Variants in DOK6 observed in about 807,000 individuals in gnomAD.
DOK6 encodes downstream of tyrosine kinase 6.
Under a neutral mutation model 44.0 loss-of-function variants are expected in DOK6, and 22 were observed. The observed-to-expected ratio is 0.50, with a 90% confidence interval of 0.36 to 0.71. DOK6 has a LOEUF of 0.71. DOK6 is among the 30% of genes least tolerant of loss of function. The pLI is 0.00. For missense variants in DOK6, 340 were observed against 416.4 expected, an observed-to-expected ratio of 0.82 and a Z score of 1.60; for synonymous variants, 166 against 145.5, an observed-to-expected ratio of 1.14 and a Z score of -1.01.
At chr18:69,468,563 A>G (rs1458567996) in intron 1 of DOK6, among the ~76,000 whole-genome samples, 1 of 152,194 alleles carries the variant, frequency 6.6e-6, no homozygotes, top group Non-Finnish European at 1.5e-5. Context: ...TAGATTTCCT[A>G]CATAGTCTGT....
chr18:69,741,598 A>G (rs1978800391), intron 6 of DOK6, among the ~76,000 whole-genome samples: 1 of 152,170 alleles, frequency 6.6e-6, no homozygotes, highest in African/African-American at 2.4e-5. Context: ...CCTGGGCTCA[A>G]GCAGTCCTCC....
chr18:69,774,133 G>GATATATATATATATATGAGAT (rs1979980513), intron 7 of DOK6, among the ~76,000 whole-genome samples: 1 of 66,866 alleles, frequency 1.5e-5, no homozygotes, highest in Non-Finnish European at 3.3e-5. Context: ...ATATATATGA[G>GATATATATATATATATGAGAT]ATATATATAT....
intron 3 of DOK6, among the ~76,000 whole-genome samples, chr18:69,616,835 A>G (rs568148007): frequency 6.6e-6 from 1 of 152,314 alleles, no homozygotes; most frequent in East Asian, 1.9e-4. Flanking sequence ...GACTTTTTGA[A>G]ATCTTTGTAG....
chr18:69,535,047 T>G (rs948472120), intron 1 of DOK6, among the ~76,000 whole-genome samples: 4 of 152,116 alleles, frequency 2.6e-5, no homozygotes, highest in Admixed American at 2.6e-4. Context: ...TGTGTCTCAG[T>G]GCACCTTCAT....
intron 3 of DOK6, among the ~76,000 whole-genome samples, chr18:69,671,333 A>G (rs2144680392): frequency 6.6e-6 from 1 of 152,336 alleles, no homozygotes; most frequent in Non-Finnish European, 1.5e-5. Flanking sequence ...TGATGTATCA[A>G]CCTGCTGTTA....
chr18:69,796,694 C>A lies in DOK6; in HGVS notation c.856+38821C>A, dbSNP rs186332571. On this transcript the variant is annotated intron_variant, in intron 7 of 7. Coordinates refer to ENST00000382713, the MANE Select transcript of DOK6 (RefSeq NM_152721.6). ...AAAAAGTGTACCTGTCAAATTAGCT[C>A]GTGTGTACAAATACTAGACAAAGCA... Among the ~76,000 whole-genome samples, 159 of 152,282 alleles carry A rather than the reference C, an allele frequency of 1.0e-3. 1 individual carries two copies. The highest frequency in any genetic ancestry group is 3.6e-3 in the African/African-American group (149 of 41,572).
At chr18:69,415,085 A>C (rs1653241434) in intron 1 of DOK6, among the ~76,000 whole-genome samples, 1 of 152,124 alleles carries the variant, frequency 6.6e-6, no homozygotes, top group Admixed American at 6.6e-5. Flanking sequence ...AATACTTTAC[A>C]AGATCAAAAG....
At chr18:69,830,520 C>T (rs945384322) in intron 7 of DOK6, among the ~76,000 whole-genome samples, 6 of 152,144 alleles carry the variant, frequency 3.9e-5, no homozygotes, top group African/African-American at 1.2e-4. Context: ...GGAAAGAGGC[C>T]TCAGAAGAAA....
Position 69,846,161 on chromosome 18 carries a change from T to C in DOK6, c.*4778T>C, listed in dbSNP as rs1225835295. 6.6e-6 allele frequency: 1 copy of C among 152,240 alleles called. No individual in the cohort carries two copies. Among genetic ancestry groups the C allele is most frequent in the Non-Finnish European group, 1.5e-5 (1 of 68,058 alleles). 9.4% of individuals were successfully genotyped at this position (152,240 alleles called of 1,614,324 possible). The stretch of plus-strand genomic sequence containing the variant: ...GAGGCACTAGACAGTTTATAGACTC[T>C]TATGGAAGTTGGGCACATTTCCCAG... On this transcript the variant is annotated 3_prime_UTR_variant, in exon 8 of 8. Coordinates refer to ENST00000382713, the MANE Select transcript of DOK6 (RefSeq NM_152721.6).
intron 5 of DOK6, 63 bp from the exon 6 acceptor site, chr18:69,738,902 G>A (rs1424557309): frequency 1.3e-6 from 2 of 1,582,718 alleles, no homozygotes; most frequent in African/African-American, 2.7e-5. Context: ...TTGTCTACGT[G>A]GAAAACTGTT....
chr18:69,604,899 G>A (rs1048011803), intron 3 of DOK6, among the ~76,000 whole-genome samples: 2 of 152,106 alleles, frequency 1.3e-5, no homozygotes, highest in East Asian at 1.9e-4. Flanking sequence ...GAGGGTACAG[G>A]TGCAGTTTTG....
intron 5 of DOK6, among the ~76,000 whole-genome samples, chr18:69,710,205 A>G (rs1369581083): frequency 6.6e-6 from 1 of 152,190 alleles, no homozygotes; most frequent in African/African-American, 2.4e-5. Context: ...TAAACTTACT[A>G]TTTTTAATAA....
chr18:69,443,733 C>T (rs535489444), intron 1 of DOK6, among the ~76,000 whole-genome samples: 7 of 152,216 alleles, frequency 4.6e-5, no homozygotes, highest in African/African-American at 1.7e-4. Flanking sequence ...GAATTACATG[C>T]CCTTGACTCT....
intron 5 of DOK6, among the ~76,000 whole-genome samples, chr18:69,703,298 C>A (rs1240104116): frequency 1.3e-5 from 2 of 152,134 alleles, no homozygotes; most frequent in Admixed American, 6.5e-5. Context: ...TGATTTAAAT[C>A]TTTTTGTGGC....
At chr18:69,734,393 CAAAAAAAAAA>C (rs60831756) in intron 5 of DOK6, among the ~76,000 whole-genome samples, 4 of 48,500 alleles carry the variant, frequency 8.2e-5, no homozygotes, top group Non-Finnish European at 1.5e-4. Context: ...TTCATAGCAG[CAAAAAAAAAA>C]AAAAAAAAAA....
intron 7 of DOK6, among the ~76,000 whole-genome samples, chr18:69,794,848 G>A (rs141109090): frequency 2.0e-5 from 3 of 152,224 alleles, no homozygotes; most frequent in Non-Finnish European, 2.9e-5. Flanking sequence ...CTGCGCATGC[G>A]AGGGATTTAG....
chr18:69,651,623 G>A (rs1302152892), intron 3 of DOK6, among the ~76,000 whole-genome samples: 1 of 151,672 alleles, frequency 6.6e-6, no homozygotes, highest in Non-Finnish European at 1.5e-5. Context: ...GGAATAGCTA[G>A]GATTACAGAC....
chr18:69,614,889 C>A (rs1035008607), intron 3 of DOK6, among the ~76,000 whole-genome samples: 2 of 151,634 alleles, frequency 1.3e-5, no homozygotes, highest in Non-Finnish European at 2.9e-5. Context: ...TTACCTTATT[C>A]GGAAATCCTT....
Position 69,727,208 on chromosome 18 carries a change from CATGACCT to C in DOK6, c.600-11755_600-11749del, listed in dbSNP as rs1259078895. Among the ~76,000 whole-genome samples the C allele has an allele frequency of 6.6e-5, 10 of 152,246 alleles. No homozygotes were observed. The East Asian group carries it at 1.9e-3, about 29-fold the overall frequency. On this transcript the variant is annotated intron_variant, in intron 5 of 7. Transcript: ENST00000382713. ...ATCCCATTCATGAGAGCTCTGCCCT[CATGACCT>C]ACTTACCTCCCAAAGGCCACACCTC...
Sources: gnomAD v4.1 joint callset for allele counts (sites outside exome capture counted in the v4.1 genomes callset) on GRCh38, gnomAD v4.1.1 for gene constraint, MANE v1.5 for transcripts, NCBI Gene and HGNC (gene_info 2026-07-23, HGNC 2026-07-21) for gene names.